KDM4D: variants seen among roughly 807,000 people sequenced by gnomAD.
KDM4D encodes lysine-specific demethylase 4D.
For synonymous variants in KDM4D, 254 were observed against 249.1 expected (o/e 1.02, Z -0.19); for missense variants, 427 against 674.8 (o/e 0.63, Z 4.07).
Position 94,999,131 on chromosome 11 carries a change from T to C in KDM4D, c.*187T>C. On this transcript the variant is annotated 3_prime_UTR_variant, in exon 3 of 3. Transcript: ENST00000335080. ...TTTCAATTTTGCCATACTTTTGTTC[T>C]TCCTACCGGACCCTGGAATGTCTTT... 1 of 486,664 alleles carries C rather than the reference T, an allele frequency of 2.1e-6. No individual in the cohort carries two copies. The highest frequency in any genetic ancestry group is 3.6e-6 in the Non-Finnish European group (1 of 278,664). The allele number at this position is 486,664 out of a possible 1,614,324, so 30.1% of individuals were successfully genotyped here. A position where few individuals can be genotyped will look rare whatever the true frequency, so the allele number is the denominator to read the frequency against.
intron 2 of KDM4D, among the ~76,000 whole-genome samples, chr11:94,982,247 T>A (rs1261530023): frequency 3.9e-5 from 6 of 151,964 alleles, no homozygotes; most frequent in Non-Finnish European, 8.8e-5. Context: ...ATTTTGTAAA[T>A]TTTTTATAGA....
Position 94,989,689 on chromosome 11 carries a change from T to A in KDM4D, c.-349-7335T>A, listed in dbSNP as rs587618754. ...GAAGTCCACACCAAATATTGGCATT[T>A]GTAGGCACAAAAGGTACAGGAAAAG... On this transcript the variant is annotated intron_variant, in intron 2 of 2. Transcript: ENST00000335080. 2.0e-5 allele frequency among the ~76,000 whole-genome samples: 3 copies of A among 152,234 alleles called. No homozygotes were observed. In the East Asian group the frequency reaches 5.8e-4, roughly 29 times the overall value.
At chr11:94,992,100 C>A (rs886729822) in intron 2 of KDM4D, among the ~76,000 whole-genome samples, 15 of 151,556 alleles carry the variant, frequency 9.9e-5, no homozygotes, top group Non-Finnish European at 1.8e-4. Flanking sequence ...TTAGCATATA[C>A]AAAGGAAAAA....
intron 2 of KDM4D, among the ~76,000 whole-genome samples, chr11:94,996,148 T>C (rs1555099201): frequency 6.6e-6 from 1 of 152,258 alleles, no homozygotes; most frequent in South Asian, 2.1e-4. Flanking sequence ...AGTCGTTCTT[T>C]CTTTTCCTTT....
In KDM4D at chr11:94,997,264, C is replaced by A; in HGVS notation, c.-109C>A. 1.3e-6 allele frequency: 1 copy of A among 760,534 alleles called. No homozygotes were observed. The highest frequency in any genetic ancestry group is 2.0e-6 in the Non-Finnish European group (1 of 496,028). 47.1% of individuals were successfully genotyped at this position (760,534 alleles called of 1,614,324 possible). On this transcript the variant is annotated 5_prime_UTR_variant, in exon 3 of 3. Transcript: ENST00000335080. ...CAAAAAAAAAAGTACGCTGGTAGAT[C>A]CTGCTACCTCATAGATAACACCAGT...
chr11:94,990,917 T>TTA (rs1348132272), intron 2 of KDM4D, among the ~76,000 whole-genome samples: 6 of 152,168 alleles, frequency 3.9e-5, no homozygotes, highest in Admixed American at 1.3e-4. Flanking sequence ...ACTGCCCCTC[T>TTA]TACACCCTGG....
At chr11:94,987,742 A>C (rs1345114370) in intron 2 of KDM4D, among the ~76,000 whole-genome samples, 2 of 151,748 alleles carry the variant, frequency 1.3e-5, no homozygotes, top group African/African-American at 4.9e-5. Context: ...AAAACTTAAA[A>C]ATTCTTATAA....
chr11:94,983,052 A>G (rs1293924444), intron 2 of KDM4D, among the ~76,000 whole-genome samples: 1 of 152,072 alleles, frequency 6.6e-6, no homozygotes, highest in Non-Finnish European at 1.5e-5. Flanking sequence ...GATAATTTTG[A>G]AAAAAGTTGA....
At chr11:94,992,605 A>G (rs1304517811) in intron 2 of KDM4D, among the ~76,000 whole-genome samples, 1 of 152,206 alleles carries the variant, frequency 6.6e-6, no homozygotes, top group Admixed American at 6.5e-5. Flanking sequence ...AGTTTTGGCA[A>G]CGTGTATTAA....
At chr11:94,995,023 G>T (rs587738377) in intron 2 of KDM4D, among the ~76,000 whole-genome samples, 187 of 152,244 alleles carry the variant, frequency 1.2e-3, no homozygotes, top group African/African-American at 4.4e-3. Flanking sequence ...GAAACATGGG[G>T]TGTAATCAAT....
chr11:94,988,990 T>A (rs990396166), intron 2 of KDM4D, among the ~76,000 whole-genome samples: 9 of 152,184 alleles, frequency 5.9e-5, no homozygotes, highest in Non-Finnish European at 1.0e-4. Flanking sequence ...AGGGCTCCAG[T>A]AAGAATATTT....
chr11:94,989,755 T>TC (rs1157029979), intron 2 of KDM4D, among the ~76,000 whole-genome samples: 2,041 of 146,740 alleles, frequency 0.014, 46 homozygotes, highest in African/African-American at 0.047. Flanking sequence ...TCTCTTTCTT[T>TC]TTTTTTTTTT....
chr11:94,991,726 C>T (rs1344253493), intron 2 of KDM4D, among the ~76,000 whole-genome samples: 1 of 150,790 alleles, frequency 6.6e-6, no homozygotes, highest in South Asian at 2.1e-4. Context: ...GAGGTCTAAT[C>T]CATGAAAGGT....
rs1290101963 is a variant in KDM4D, at chr11:94,997,491, C to T, written c.119C>T (p.Ser40Phe). ...GATAAATATATTGCTTACATGGAAT[C>T]CCAAGGTGCACACAGAGCTGGCTTG... Reference protein sequence around the residue: ...DFDKYIAYMESQGAHRAGLAK... With the variant: ...DFDKYIAYMEFQGAHRAGLAK... Residue 40 changes from serine to phenylalanine, a missense_variant, in exon 3 of 3, where the codon TCC becomes TTC. Ser to Phe is a radical substitution (Grantham distance 155, BLOSUM62 -2). Transcript: ENST00000335080. The T allele has an allele frequency of 1.2e-6, 2 of 1,613,950 alleles. No homozygotes were observed. The highest frequency in any genetic ancestry group is 2.7e-5 in the African/African-American group (2 of 74,892).
In KDM4D at chr11:94,998,508, C is replaced by G; in HGVS notation, c.1136C>G (p.Ser379Cys). 6.2e-7 allele frequency: 1 copy of G among 1,612,402 alleles called. No individual in the cohort carries two copies. Among genetic ancestry groups the G allele is most frequent in the Non-Finnish European group, 8.5e-7 (1 of 1,180,016 alleles). Residue 379 changes from serine to cysteine, a missense_variant, in exon 3 of 3, where the codon TCC becomes TGC. Ser to Cys is a moderately radical substitution (Grantham distance 112). Coordinates refer to ENST00000335080, the MANE Select transcript of KDM4D (RefSeq NM_018039.3). This position sits in a 1 kb window ranked among gnomAD's most constrained non-coding sequence, Gnocchi z 6.7. ...GCGCTGGGCCTGAGACAACTCCCTT[C>G]CCACTGGGCCCGGCATTCCCCTTGG... ...RAALGLRQLPSHWARHSPWPM... is the reference protein window; with the variant it reads ...RAALGLRQLPCHWARHSPWPM...
intron 2 of KDM4D, among the ~76,000 whole-genome samples, chr11:94,993,667 CAG>C (rs1490568375): frequency 5.3e-5 from 8 of 152,004 alleles, no homozygotes; most frequent in African/African-American, 1.9e-4. Flanking sequence ...GTTTATAAAA[CAG>C]ATACAAAGTG....
At chr11:94,980,989 T>C (rs1857837734) in intron 2 of KDM4D, among the ~76,000 whole-genome samples, 1 of 152,154 alleles carries the variant, frequency 6.6e-6, no homozygotes. Context: ...GTCTTTTTCC[T>C]GATCTGCAAG....
chr11:94,996,764 G>C (rs980121214), intron 2 of KDM4D, among the ~76,000 whole-genome samples: 1 of 152,162 alleles, frequency 6.6e-6, no homozygotes, highest in Non-Finnish European at 1.5e-5. Context: ...GGAACAGTTG[G>C]ATCACAGAAC....
chr11:94,991,088 A>G (rs892539062), intron 2 of KDM4D, among the ~76,000 whole-genome samples: 8 of 152,190 alleles, frequency 5.3e-5, no homozygotes, highest in African/African-American at 1.9e-4. Context: ...CTCTTTTGCC[A>G]TTTGGGAGGG....
Sources: gnomAD v4.1 joint callset for allele counts (sites outside exome capture counted in the v4.1 genomes callset) on GRCh38, gnomAD v4.1.1 for gene constraint, Gnocchi (gnomAD v3.1) non-coding constraint, MANE v1.5 for transcripts, NCBI Gene and HGNC (gene_info 2026-07-23, HGNC 2026-07-21) for gene names.